Variants in DCK observed in about 807,000 individuals in gnomAD.
DCK encodes deoxycytidine kinase.
DCK carries 23 observed loss-of-function variants against 38.3 expected under a neutral mutation model. The ratio of observed to expected loss-of-function variants is 0.60; its 90% CI spans 0.43 to 0.85. The LOEUF is 0.85. DCK is among the 40% of genes least tolerant of loss of function. DCK has a pLI of 0.00. For missense variants in DCK, 259 were observed against 304.4 expected, an observed-to-expected ratio of 0.85 and a Z score of 1.11; for synonymous variants, 108 against 100.6, an observed-to-expected ratio of 1.07 and a Z score of -0.44.
chr4:71,017,188 A>T (rs1371488598), intron 2 of DCK, among the ~76,000 whole-genome samples: 1 of 152,272 alleles, frequency 6.6e-6, no homozygotes, highest in African/African-American at 2.4e-5. Context: ...AATGCTCATC[A>T]TCACTGGCCA....
chr4:71,003,325 T>C (rs1006737444), intron 2 of DCK, among the ~76,000 whole-genome samples: 2 of 152,222 alleles, frequency 1.3e-5, no homozygotes, highest in Non-Finnish European at 2.9e-5. Flanking sequence ...CCGAGAGATC[T>C]GCTGTTAGTC....
In DCK at chr4:71,023,953, C is replaced by T. The variant is rs137995308; in HGVS notation, c.549+247C>T. 4.9e-3 allele frequency among the ~76,000 whole-genome samples: 745 copies of T among 152,222 alleles called. 11 individuals are homozygous for T. The highest frequency in any genetic ancestry group is 0.017 in the African/African-American group (717 of 41,554). Reference sequence around the variant, plus strand: ...TTCCTCAATTCTTTTTTATTTTACTCATTATTTCTTTCTAACATTTGCAGA... The same window carrying T: ...TTCCTCAATTCTTTTTTATTTTACTTATTATTTCTTTCTAACATTTGCAGA... On this transcript the variant is annotated intron_variant, in intron 4 of 6. Transcript: ENST00000286648.
chr4:71,024,248 A>G (rs1045617112), intron 4 of DCK, among the ~76,000 whole-genome samples: 1 of 152,076 alleles, frequency 6.6e-6, no homozygotes, highest in Non-Finnish European at 1.5e-5. Context: ...TATCGTTGGG[A>G]AAAGACTTAG....
chr4:70,995,442 G>A (rs1739639093), intron 1 of DCK, among the ~76,000 whole-genome samples: 1 of 152,134 alleles, frequency 6.6e-6, no homozygotes, highest in African/African-American at 2.4e-5. Context: ...TAAAAAATTA[G>A]TTGCATGTGT....
chr4:71,005,905 C>T (rs555444360), intron 2 of DCK, among the ~76,000 whole-genome samples: 331 of 151,662 alleles, frequency 2.2e-3, no homozygotes, highest in Non-Finnish European at 3.8e-3. Flanking sequence ...GCAGGTGGAT[C>T]GCCTGAGGTC....
chr4:71,005,923 C>T (rs1265279513), intron 2 of DCK, among the ~76,000 whole-genome samples: 4 of 151,268 alleles, frequency 2.6e-5, no homozygotes, highest in Non-Finnish European at 3.0e-5. Flanking sequence ...GTCAGGAGTT[C>T]GAGACCAGCC....
At chr4:71,001,072 A>G (rs1419070381) in intron 2 of DCK, among the ~76,000 whole-genome samples, 1 of 152,112 alleles carries the variant, frequency 6.6e-6, no homozygotes, top group Admixed American at 6.5e-5. Flanking sequence ...GAGGTGAGAG[A>G]GGGCATCCTT....
At chr4:70,994,024 G>C in intron 1 of DCK, 98 bp downstream of exon 1, 1 of 889,238 alleles carries the variant, frequency 1.1e-6, no homozygotes, top group Non-Finnish European at 1.8e-6. Flanking sequence ...CTCGGTGAGG[G>C]CTTTCCCTCC....
intron 2 of DCK, among the ~76,000 whole-genome samples, chr4:71,005,257 G>A (rs1444847765): frequency 6.6e-6 from 1 of 151,630 alleles, no homozygotes; most frequent in Non-Finnish European, 1.5e-5. Context: ...GTGAGGCGAT[G>A]CCCCACCCTG....
chr4:71,001,188 A>G (rs970647059), intron 2 of DCK, among the ~76,000 whole-genome samples: 6 of 152,178 alleles, frequency 3.9e-5, no homozygotes, highest in African/African-American at 1.4e-4. Flanking sequence ...GAGAGTTTTT[A>G]GCATGAAGGG....
chr4:71,004,691 T>C (rs1233251072), intron 2 of DCK, among the ~76,000 whole-genome samples: 1 of 152,240 alleles, frequency 6.6e-6, no homozygotes, highest in Non-Finnish European at 1.5e-5. Context: ...CAGTCTAGCT[T>C]CAGGGGTTTG....
intron 2 of DCK, 47 bp from the exon 3 acceptor site, chr4:71,022,320 T>C: frequency 9.0e-7 from 1 of 1,106,444 alleles, no homozygotes. Context: ...AATAGCCCTA[T>C]TGACCATTAA....
At chr4:71,029,227 G>A in intron 6 of DCK, 125 bp from the exon 7 acceptor site, 1 of 546,136 alleles carries the variant, frequency 1.8e-6, no homozygotes, top group South Asian at 3.5e-5. Flanking sequence ...AAATGCAATG[G>A]CATTGTGGTA....
intron 2 of DCK, chr4:71,006,335 C>G: frequency 1.1e-6 from 1 of 942,354 alleles, no homozygotes; most frequent in Non-Finnish European, 1.3e-6. Flanking sequence ...TGACAGAGTT[C>G]AGTGTCATTT....
intron 2 of DCK, among the ~76,000 whole-genome samples, chr4:71,006,921 A>G (rs1465674886): frequency 2.0e-5 from 3 of 152,246 alleles, no homozygotes; most frequent in African/African-American, 7.2e-5. Context: ...ATCTAAAAAA[A>G]TTTAGCTGTT....
chr4:71,026,913 G>A (rs1009266803), intron 6 of DCK, 158 bp downstream of exon 6: 3 of 399,712 alleles, frequency 7.5e-6, no homozygotes, highest in Non-Finnish European at 1.4e-5. Context: ...TTCCAGTCCT[G>A]ACTAAATTCT....
At chr4:71,014,352 C>G (rs1486502908) in intron 2 of DCK, among the ~76,000 whole-genome samples, 5 of 152,090 alleles carry the variant, frequency 3.3e-5, no homozygotes, top group African/African-American at 1.2e-4. Flanking sequence ...CGACATTAGA[C>G]AGATGAACGA....
chr4:71,001,672 G>A (rs1485050792), intron 2 of DCK, among the ~76,000 whole-genome samples: 4 of 152,016 alleles, frequency 2.6e-5, no homozygotes, highest in South Asian at 4.1e-4. Flanking sequence ...CTTTTTATTG[G>A]TCTGTTCATT....
At chr4:70,998,283 T>C (rs1739704567) in intron 2 of DCK, 101 bp downstream of exon 2, 4 of 555,092 alleles carry the variant, frequency 7.2e-6, no homozygotes, top group East Asian at 6.2e-5. Context: ...CTTTCAAATC[T>C]CGCTTTAGGT....
Sources: allele counts gnomAD v4.1 joint callset (sites outside exome capture counted in the v4.1 genomes callset), GRCh38; gene constraint gnomAD v4.1.1; transcripts MANE v1.5; gene names NCBI Gene and HGNC (gene_info 2026-07-23, HGNC 2026-07-21).